ANKIB1: variants seen among roughly 807,000 people sequenced by gnomAD.
ANKIB1 encodes ankyrin repeat and IBR domain-containing protein 1.
ANKIB1 carries 43 observed loss-of-function variants against 122.1 expected under a neutral mutation model. The ratio of observed to expected loss-of-function variants is 0.35; its 90% CI spans 0.28 to 0.45. The LOEUF (loss-of-function observed/expected upper bound fraction) is 0.45. ANKIB1 is among the 20% of genes least tolerant of loss of function. The pLI is 1.00. For missense variants in ANKIB1, 992 were observed against 1,329.5 expected (o/e 0.75, Z 3.95); for synonymous variants, 390 against 442.0 (o/e 0.88, Z 1.48).
intron 1 of ANKIB1, among the ~76,000 whole-genome samples, chr7:92,268,246 C>T (rs987664057): frequency 5.3e-5 from 8 of 152,164 alleles, no homozygotes; most frequent in African/African-American, 1.9e-4. Context: ...TTCTACTAAA[C>T]TATGCTTTGA....
chr7:92,252,798 A>G (rs1801355644), intron 1 of ANKIB1, among the ~76,000 whole-genome samples: 1 of 152,098 alleles, frequency 6.6e-6, no homozygotes, highest in African/African-American at 2.4e-5. Flanking sequence ...TTCTGGCAGA[A>G]CAAGCTGTTC....
chr7:92,372,814 A>AT lies in ANKIB1; in HGVS notation c.1617+1215dup, dbSNP rs538674208. ...GGTTTAAAATTATAATGATATTCTGATTTTTTTTGCTTTATCATTAGAAAT... is the reference window on the plus strand; with the variant it reads ...GGTTTAAAATTATAATGATATTCTGATTTTTTTTTGCTTTATCATTAGAAAT... On this transcript the variant is annotated intron_variant, in intron 11 of 19. Coordinates refer to ENST00000265742, the MANE Select transcript of ANKIB1 (RefSeq NM_019004.2). Among the ~76,000 whole-genome samples, 1,093 of 151,682 alleles carry AT rather than the reference A, an allele frequency of 7.2e-3. 11 individuals are homozygous for AT. Among genetic ancestry groups the AT allele is most frequent in the African/African-American group, 0.025 (1,034 of 41,392 alleles).
At chr7:92,246,984 C>T (rs1302328975) in intron 1 of ANKIB1, among the ~76,000 whole-genome samples, 1 of 152,176 alleles carries the variant, frequency 6.6e-6, no homozygotes, top group Non-Finnish European at 1.5e-5. Flanking sequence ...TTTGCAGCTT[C>T]TGCCACCAAA....
chr7:92,370,536 A>G (rs1804219781), intron 10 of ANKIB1, among the ~76,000 whole-genome samples: 1 of 144,924 alleles, frequency 6.9e-6, no homozygotes. Context: ...AAAAAAAAAA[A>G]AAAAGTTGGT....
At chr7:92,289,683 A>G (rs1283834776) in intron 1 of ANKIB1, among the ~76,000 whole-genome samples, 2 of 152,200 alleles carry the variant, frequency 1.3e-5, no homozygotes, top group Non-Finnish European at 2.9e-5. Context: ...ACAGGGACAA[A>G]ATTACCATTG....
rs1192590625 is a variant in ANKIB1, at chr7:92,386,558, G to A, written c.1667G>A (p.Ser556Asn). Residue 556 changes from serine (S) to asparagine (N), a missense_variant, in exon 12 of 20, where the codon AGT (serine) becomes AAT (asparagine). By Grantham distance (46) the Ser-to-Asn change is conservative (BLOSUM62 1). This residue lies in a region of ANKIB1 where 521 missense variants were observed against 777.7 expected (regional missense o/e 0.67). Coordinates refer to ENST00000265742, the MANE Select transcript of ANKIB1 (RefSeq NM_019004.2). The stretch of plus-strand genomic sequence containing the variant: ...TGCCTTGAAGAGTGGAAAAAACATA[G>A]TTCGTCCACTGGAGGTTATTACAGA... Reference protein sequence around the residue: ...WICLEEWKKHSSSTGGYYRCT... With the variant: ...WICLEEWKKHNSSTGGYYRCT... The A allele has an allele frequency of 6.2e-7, 1 of 1,605,732 alleles. No homozygotes were observed. The highest frequency in any genetic ancestry group is 8.5e-7 in the Non-Finnish European group (1 of 1,176,174).
At chr7:92,368,404 G>A (rs1004987159) in intron 10 of ANKIB1, among the ~76,000 whole-genome samples, 12 of 151,710 alleles carry the variant, frequency 7.9e-5, no homozygotes, top group Admixed American at 2.0e-4. Flanking sequence ...AGGGAGATAC[G>A]GTGTTGTTGG....
chr7:92,371,658 AGTTT>A, intron 11 of ANKIB1, 51 bp downstream of exon 11: 1 of 1,550,760 alleles, frequency 6.4e-7, no homozygotes, highest in South Asian at 1.2e-5. Context: ...ATCTTAATTT[AGTTT>A]GATTGTCAAT....
rs1030434517 is a variant in ANKIB1 at position 92,343,337 on chromosome 7, T to C, written c.996+105T>C. On this transcript the variant is annotated intron_variant, in intron 6 of 19. Transcript: ENST00000265742. The stretch of plus-strand genomic sequence containing the variant: ...GGAGTGTCTGGTTGTGTTCTTGTAA[T>C]TGAATCCTATCCCTTTCTTGAAAGG... 11 of 971,768 alleles carry C rather than the reference T, an allele frequency of 1.1e-5. No individual in the cohort carries two copies. In the South Asian group the frequency reaches 1.5e-4, roughly 13 times the overall value. The allele number at this position is 971,768 out of a possible 1,614,324, so 60.2% of individuals were successfully genotyped here. A position where few individuals can be genotyped will look rare whatever the true frequency, so the allele number is the denominator to read the frequency against.
At chr7:92,389,376 TATAATG>T (rs1804734828) in intron 14 of ANKIB1, among the ~76,000 whole-genome samples, 1 of 152,056 alleles carries the variant, frequency 6.6e-6, no homozygotes, top group African/African-American at 2.4e-5. Flanking sequence ...CCTAGACTGT[TATAATG>T]ATGTTCTTAA....
chr7:92,247,816 G>T (rs1801208346), intron 1 of ANKIB1, among the ~76,000 whole-genome samples: 1 of 152,132 alleles, frequency 6.6e-6, no homozygotes, highest in South Asian at 2.1e-4. Context: ...TAGACTGGTA[G>T]CTTTGGTGTT....
At chr7:92,317,159 A>G (rs558632403) in intron 3 of ANKIB1, among the ~76,000 whole-genome samples, 36 of 152,332 alleles carry the variant, frequency 2.4e-4, no homozygotes, top group Non-Finnish European at 4.3e-4. Context: ...TGGATTTACT[A>G]TAAGTTCCCC....
chr7:92,398,176 C>T (rs1373270163), intron 19 of ANKIB1, 36 bp from the exon 20 acceptor site: 10 of 1,525,644 alleles, frequency 6.6e-6, no homozygotes, highest in Non-Finnish European at 7.0e-6. Flanking sequence ...TTTTTTCAGT[C>T]AAATTTTAAA....
At chr7:92,301,847 A>G (rs143193761) in intron 2 of ANKIB1, among the ~76,000 whole-genome samples, 143 of 152,216 alleles carry the variant, frequency 9.4e-4, no homozygotes, top group African/African-American at 3.2e-3. Flanking sequence ...TCACAAGTTG[A>G]TGACTATTAC....
intron 2 of ANKIB1, among the ~76,000 whole-genome samples, chr7:92,299,625 C>T (rs1235367906): frequency 6.6e-6 from 1 of 152,084 alleles, no homozygotes; most frequent in Non-Finnish European, 1.5e-5. Flanking sequence ...TGTGAAAATC[C>T]AGCTGTCTTC....
At chr7:92,352,668 G>A in intron 9 of ANKIB1, 26 bp downstream of exon 9, 1 of 1,574,892 alleles carries the variant, frequency 6.3e-7, no homozygotes, top group Non-Finnish European at 8.6e-7. Context: ...GTTGGAATCA[G>A]CCTAATCACC....
chr7:92,372,184 G>T (rs1023655393), intron 11 of ANKIB1, among the ~76,000 whole-genome samples: 2 of 151,930 alleles, frequency 1.3e-5, no homozygotes, highest in Non-Finnish European at 2.9e-5. Flanking sequence ...TGCATTCATG[G>T]ATTCAGCCAA....
rs141502650 is a variant in ANKIB1 at position 92,321,617 on chromosome 7, G to C, written c.669+2105G>C. Among the ~76,000 whole-genome samples, 92 of 152,246 alleles carry C rather than the reference G, an allele frequency of 6.0e-4. 1 individual carries two copies. Among genetic ancestry groups the C allele is most frequent in the African/African-American group, 1.9e-3 (77 of 41,546 alleles). ...AATTTTTTCCTCCCAAAAGGATTCT[G>C]ATTCCTCAGTGTTTAGTGCTAACTT... On this transcript the variant is annotated intron_variant, in intron 4 of 19. Coordinates refer to ENST00000265742, the MANE Select transcript of ANKIB1 (RefSeq NM_019004.2).
chr7:92,311,543 G>C (rs1802690280), intron 3 of ANKIB1, among the ~76,000 whole-genome samples: 1 of 152,072 alleles, frequency 6.6e-6, no homozygotes, highest in African/African-American at 2.4e-5. Context: ...TTCTCTAGCT[G>C]TCGAAAATGT....
Sources: allele counts gnomAD v4.1 joint callset (sites outside exome capture counted in the v4.1 genomes callset), GRCh38; gene constraint gnomAD v4.1.1; regional missense constraint gnomAD v4.1.1; transcripts MANE v1.5; gene names NCBI Gene and HGNC (gene_info 2026-07-23, HGNC 2026-07-21).